FAM13A: variants seen among roughly 807,000 people sequenced by gnomAD.
FAM13A encodes the protein family with sequence similarity 13 member A.
FAM13A carries 76 observed loss-of-function variants against 129.6 expected under a neutral mutation model. The ratio of observed to expected loss-of-function variants is 0.59; its 90% confidence interval spans 0.49 to 0.71. The LOEUF (loss-of-function observed/expected upper bound fraction) is 0.71, where lower values mean the gene tolerates loss of function less well. Ranked by LOEUF, FAM13A falls within the 30% of genes least tolerant of loss-of-function variation. FAM13A has a pLI of 0.00. For synonymous variants in FAM13A, 443 were observed against 449.9 expected (o/e 0.98, Z 0.20); for missense variants, 1,108 against 1,249.3 (o/e 0.89, Z 1.70).
intron 6 of FAM13A, among the ~76,000 whole-genome samples, chr4:88,893,226 G>A (rs374652587): frequency 7.6e-4 from 116 of 152,264 alleles, no homozygotes; most frequent in African/African-American, 2.7e-3. Flanking sequence ...CAAAACAGAG[G>A]TTTATTTTTT....
At chr4:88,992,936 AT>A (rs1169139397) in intron 3 of FAM13A, among the ~76,000 whole-genome samples, 1 of 152,224 alleles carries the variant, frequency 6.6e-6, no homozygotes, top group Non-Finnish European at 1.5e-5. Flanking sequence ...GAACAGAAAA[AT>A]GAGGGAAATG....
chr4:88,794,945 T>C (rs1179394535), intron 8 of FAM13A, among the ~76,000 whole-genome samples: 2 of 151,868 alleles, frequency 1.3e-5, no homozygotes, highest in Non-Finnish European at 3.0e-5. Context: ...TTTGTTATGG[T>C]ATAATGGCTT....
intron 4 of FAM13A, among the ~76,000 whole-genome samples, chr4:88,941,953 T>C (rs1754831091): frequency 6.6e-6 from 1 of 152,146 alleles, no homozygotes; most frequent in Admixed American, 6.5e-5. Flanking sequence ...CTTCTTTTCT[T>C]GTGTGCTGAG....
chr4:88,861,420 C>T (rs961020357), intron 6 of FAM13A, among the ~76,000 whole-genome samples: 3 of 150,948 alleles, frequency 2.0e-5, no homozygotes, highest in African/African-American at 7.3e-5. Flanking sequence ...CGAAATAATC[C>T]ATGTATCATT....
chr4:88,812,398 C>T (rs1729815965), intron 7 of FAM13A, among the ~76,000 whole-genome samples: 1 of 152,168 alleles, frequency 6.6e-6, no homozygotes. Flanking sequence ...TCCTACTTCC[C>T]CACTGCATTT....
intron 1 of FAM13A, among the ~76,000 whole-genome samples, chr4:89,056,235 T>C (rs1772181329): frequency 6.6e-6 from 1 of 152,216 alleles, no homozygotes; most frequent in Non-Finnish European, 1.5e-5. Context: ...CTGCAAATTA[T>C]ATAATTGACA....
intron 6 of FAM13A, among the ~76,000 whole-genome samples, chr4:88,895,010 TATACTAATGATA>T (rs1448778652): frequency 1.3e-5 from 2 of 152,204 alleles, no homozygotes; most frequent in East Asian, 3.8e-4. Context: ...TTGTGCTTTT[TATACTAATGATA>T]AATTAGAAAG....
chr4:88,884,151 T>C (rs1744043232), intron 6 of FAM13A, among the ~76,000 whole-genome samples: 1 of 152,054 alleles, frequency 6.6e-6, no homozygotes, highest in Non-Finnish European at 1.5e-5. Context: ...CCTCCCAATA[T>C]CATTTTATGA....
At chr4:88,937,781 G>A in intron 5 of FAM13A, 1 of 412,696 alleles carries the variant, frequency 2.4e-6, no homozygotes, top group Non-Finnish European at 4.3e-6. Flanking sequence ...TATTCCTGCT[G>A]TAACATCAGG....
chr4:88,757,079 A>C (rs1743801145), intron 14 of FAM13A, among the ~76,000 whole-genome samples: 1 of 139,814 alleles, frequency 7.2e-6, no homozygotes, highest in Non-Finnish European at 1.6e-5. Context: ...GATTTCTAAA[A>C]TGAAATGCTG....
intron 4 of FAM13A, among the ~76,000 whole-genome samples, chr4:88,980,431 C>T (rs560722170): frequency 2.0e-5 from 3 of 152,158 alleles, no homozygotes; most frequent in Non-Finnish European, 4.4e-5. Flanking sequence ...CCAATTATCA[C>T]AGTTACAAGT....
intron 6 of FAM13A, among the ~76,000 whole-genome samples, chr4:88,902,169 A>T (rs1246633): frequency 0.14 from 21,335 of 152,220 alleles, 1,832 homozygotes; most frequent in Non-Finnish European, 0.2. Flanking sequence ...GCTGAATTCT[A>T]CCAGAGGTAC....
At chr4:88,890,021 G>A (rs934535067) in intron 6 of FAM13A, among the ~76,000 whole-genome samples, 4 of 152,190 alleles carry the variant, frequency 2.6e-5, no homozygotes, top group Admixed American at 6.5e-5. Context: ...AAAAATGAGG[G>A]CAACCAGGAT....
At chr4:89,041,759 A>T (rs1479608330) in intron 1 of FAM13A, among the ~76,000 whole-genome samples, 1 of 151,990 alleles carries the variant, frequency 6.6e-6, no homozygotes, top group Non-Finnish European at 1.5e-5. Flanking sequence ...CTTCTCTACT[A>T]AAAATACAAA....
intron 4 of FAM13A, among the ~76,000 whole-genome samples, chr4:88,962,683 A>T (rs988484798): frequency 6.6e-6 from 1 of 152,182 alleles, no homozygotes; most frequent in Non-Finnish European, 1.5e-5. Context: ...TAATTTCATC[A>T]CATGACTAGA....
intron 13 of FAM13A, among the ~76,000 whole-genome samples, chr4:88,762,171 C>G (rs1399098965): frequency 6.6e-6 from 1 of 152,080 alleles, no homozygotes; most frequent in African/African-American, 2.4e-5. Context: ...GTCAGTTTTT[C>G]TATGTTTCAG....
At chr4:88,962,208 C>G (rs1400032486) in intron 4 of FAM13A, among the ~76,000 whole-genome samples, 1 of 151,692 alleles carries the variant, frequency 6.6e-6, no homozygotes, top group Non-Finnish European at 1.5e-5. Context: ...ATATTTGAGT[C>G]TCCTTTTAAT....
intron 1 of FAM13A, among the ~76,000 whole-genome samples, chr4:89,044,948 T>C (rs2149167908): frequency 6.6e-6 from 1 of 152,134 alleles, no homozygotes; most frequent in Non-Finnish European, 1.5e-5. Flanking sequence ...TATTGTTTTA[T>C]GGTTATAAAG....
intron 13 of FAM13A, 92 bp from the exon 14 acceptor site, chr4:88,758,993 C>A: frequency 7.4e-7 from 1 of 1,359,586 alleles, no homozygotes; most frequent in South Asian, 1.4e-5. Context: ...ATAAAACCTT[C>A]CAAGTCACAG....
Sources: allele counts gnomAD v4.1 joint callset (sites outside exome capture counted in the v4.1 genomes callset), GRCh38; gene constraint gnomAD v4.1.1; transcripts MANE v1.5; gene names NCBI Gene and HGNC (gene_info 2026-07-23, HGNC 2026-07-21).